PADI4: variants seen among roughly 807,000 people sequenced by gnomAD.
PADI4 encodes peptidyl arginine deiminase 4.
A neutral mutation model predicts 75.0 loss-of-function variants in PADI4; 62 were observed. That is an observed-to-expected ratio of 0.83 (90% CI 0.67 to 1.02). The LOEUF (loss-of-function observed/expected upper bound fraction) is 1.02, where lower values mean the gene tolerates loss of function less well. Among genes scored for constraint, PADI4 ranks in the 50% least tolerant of loss-of-function variants. The pLI is 0.00. For synonymous variants in PADI4, 361 were observed against 348.1 expected (o/e 1.04, Z -0.41); for missense variants, 845 against 850.5 (o/e 0.99, Z 0.08).
At chr1:17,359,238 T>G in intron 14 of PADI4, 42 bp from the exon 15 acceptor site, 8 of 244,726 alleles carry the variant, frequency 3.3e-5, no homozygotes, top group Non-Finnish European at 4.2e-5. Flanking sequence ...CACCCCCGAC[T>G]GCCATCAGTC....
intron 2 of PADI4, among the ~76,000 whole-genome samples, chr1:17,332,958 T>C (rs2074240924): frequency 6.6e-6 from 1 of 152,112 alleles, no homozygotes; most frequent in African/African-American, 2.4e-5. Context: ...GTGAGACACG[T>C]GTTGGGGAAA....
At chr1:17,334,258 T>A (rs116638180) in intron 3 of PADI4, 5 of 501,300 alleles carry the variant, frequency 1.0e-5, no homozygotes, top group African/African-American at 7.8e-5. Flanking sequence ...ATTTTGCTTC[T>A]CAAGTTAGGA....
intron 1 of PADI4, among the ~76,000 whole-genome samples, chr1:17,323,332 T>TTTC (rs2074063599): frequency 2.0e-5 from 1 of 49,668 alleles, no homozygotes; most frequent in Admixed American, 1.9e-4. Flanking sequence ...CACTTTTACT[T>TTTC]CCTTGGTTAG....
At chr1:17,331,491 A>G (rs35809798) in intron 2 of PADI4, among the ~76,000 whole-genome samples, 84,860 of 152,106 alleles carry the variant, frequency 0.56, 23,856 homozygotes, top group East Asian at 0.59. Context: ...TATGAATGGT[A>G]GCATCAGAGA....
chr1:17,345,566 T>C (rs2074500491), intron 8 of PADI4, among the ~76,000 whole-genome samples: 1 of 152,208 alleles, frequency 6.6e-6, no homozygotes, highest in Non-Finnish European at 1.5e-5. Flanking sequence ...GGAGATAATT[T>C]GAATCATGGT....
At chr1:17,308,882 C>T (rs1374610428) in intron 1 of PADI4, among the ~76,000 whole-genome samples, 11 of 152,200 alleles carry the variant, frequency 7.2e-5, no homozygotes, top group Admixed American at 6.5e-4. Context: ...GGGGATAATA[C>T]TCACATCATG....
chr1:17,361,507 G>A (rs560712083), intron 15 of PADI4, among the ~76,000 whole-genome samples: 18 of 152,230 alleles, frequency 1.2e-4, no homozygotes, highest in East Asian at 7.7e-4. Flanking sequence ...CACTTAGCAC[G>A]CATGGGCTGT....
In PADI4 at chr1:17,309,091, G is replaced by A. The variant is rs186880433; in HGVS notation, c.92+777G>A. Among the ~76,000 whole-genome samples the A allele has an allele frequency of 2.3e-4, 34 of 147,464 alleles. 1 individual carries two copies. The highest frequency in any genetic ancestry group is 5.8e-4 in the African/African-American group (23 of 39,444). On this transcript the variant is annotated intron_variant, in intron 1 of 15. Transcript: ENST00000375448. ...GTGCAGGGTCATTGTTGTTATTGTA[G>A]AACAGGAATTAAAAGAAATTTTAAA...
At chr1:17,319,352 G>A (rs774983962) in intron 1 of PADI4, among the ~76,000 whole-genome samples, 16 of 152,076 alleles carry the variant, frequency 1.1e-4, no homozygotes, top group Non-Finnish European at 1.9e-4. Context: ...GATCCCTTGA[G>A]CCCAGGAGTT....
rs1276916504 is a variant in PADI4 at position 17,356,544 on chromosome 1, A to G, written c.1558+85A>G. The G allele has an allele frequency of 2.5e-6, 2 of 814,332 alleles. No homozygotes were observed. Among genetic ancestry groups the G allele is most frequent in the Non-Finnish European group, 4.1e-6 (2 of 488,038 alleles). The allele number at this position is 814,332 out of a possible 1,614,324, so 50.4% of individuals were successfully genotyped here. On this transcript the variant is annotated intron_variant, in intron 13 of 15. Transcript: ENST00000375448. The surrounding 1 kb of genome is among the most constrained non-coding windows in gnomAD (Gnocchi z 4.1). ...GTTGCCTGGAGGGAATCATCCAGGC[A>G]ATAGGGTAGCATCTGAGCACCTACT...
chr1:17,354,621 C>T lies in PADI4; in HGVS notation c.1244C>T (p.Pro415Leu), dbSNP rs756235473. Residue 415 changes from proline to leucine, a missense_variant, in exon 11 of 16, where the codon CCA (proline) becomes CTA (leucine). Coordinates refer to ENST00000375448, the MANE Select transcript of PADI4 (RefSeq NM_012387.3). ...DSFGNLEVSP[P>L]VTVRGKEYPL... Reference sequence around the variant, plus strand: ...TTTGGGAACCTGGAAGTGAGCCCCCCAGTCACAGTCAGGGGCAAGGAATAC... The same window carrying T: ...TTTGGGAACCTGGAAGTGAGCCCCCTAGTCACAGTCAGGGGCAAGGAATAC... 4 of 1,613,996 alleles carry T rather than the reference C, an allele frequency of 2.5e-6. No individual in the cohort carries two copies. In the Admixed American group the frequency reaches 6.7e-5, roughly 27 times the overall value.
intron 13 of PADI4, among the ~76,000 whole-genome samples, chr1:17,357,333 A>G (rs2074777919): frequency 6.6e-6 from 1 of 151,796 alleles, no homozygotes; most frequent in African/African-American, 2.4e-5. Context: ...ACACCTGGCT[A>G]ATGTTTTGTA....
chr1:17,342,023 C>T lies in PADI4; in HGVS notation c.733C>T (p.His245Tyr), dbSNP rs1376323051. 1 of 1,613,788 alleles carries T rather than the reference C, an allele frequency of 6.2e-7. No homozygotes were observed. The highest frequency in any genetic ancestry group is 1.3e-5 in the African/African-American group (1 of 74,920). ...SHYLMVPGGK[H>Y]NMDFYVEALA... ...CTACCTGATGGTCCCCGGTGGAAAG[C>T]ACAACATGGACTTCTACGTGGAGGC... Residue 245 changes from histidine (H) to tyrosine (Y), a missense_variant, in exon 7 of 16, where the codon CAC becomes TAC. His to Tyr is a moderately conservative substitution (Grantham distance 83). Transcript: ENST00000375448.
intron 8 of PADI4, among the ~76,000 whole-genome samples, chr1:17,344,974 C>G (rs948233589): frequency 6.6e-6 from 1 of 152,208 alleles, no homozygotes; most frequent in African/African-American, 2.4e-5. Flanking sequence ...CCACTGACAG[C>G]TTGCACCGTG....
chr1:17,308,527 C>T (rs1237855746), intron 1 of PADI4, among the ~76,000 whole-genome samples: 1 of 152,150 alleles, frequency 6.6e-6, no homozygotes, highest in African/African-American at 2.4e-5. Context: ...AGTGCAAATT[C>T]CCCAGGAACA....
In PADI4 at chr1:17,351,965, GGCCAGGGAGGTGATGGGAGGAGAGGCA is replaced by G. The variant is rs1557576108; in HGVS notation, c.1156-2566_1156-2540del. Among the ~76,000 whole-genome samples, 92 of 66,260 alleles carry G rather than the reference GGCCAGGGAGGTGATGGGAGGAGAGGCA, an allele frequency of 1.4e-3. 2 individuals are homozygous for G. Among genetic ancestry groups the G allele is most frequent in the Middle Eastern group, 8.2e-3 (1 of 122 alleles). The allele number at this position is 66,260 out of a possible 152,430, so 43.5% of individuals were successfully genotyped here. ...GGTGATGGGAGGTGGGAGGAGAGGC[GGCCAGGGAGGTGATGGGAGGAGAGGCA>G]GTCAGGGAGGTGATGGGAGGAGAGG... On this transcript the variant is annotated intron_variant, in intron 10 of 15. Coordinates refer to ENST00000375448, the MANE Select transcript of PADI4 (RefSeq NM_012387.3).
intron 1 of PADI4, among the ~76,000 whole-genome samples, chr1:17,323,917 T>C (rs2074075358): frequency 1.3e-5 from 2 of 152,140 alleles, no homozygotes; most frequent in East Asian, 1.9e-4. Context: ...TGTGACCTTA[T>C]GTGGACGGAG....
intron 11 of PADI4, 80 bp downstream of exon 11, chr1:17,354,767 C>T: frequency 7.4e-7 from 1 of 1,355,974 alleles, no homozygotes; most frequent in Admixed American, 2.6e-5. Context: ...GGAAGCCTTG[C>T]CTTCCTGCTT....
At chr1:17,352,208 G>A (rs1421269782) in intron 10 of PADI4, among the ~76,000 whole-genome samples, 2 of 114,480 alleles carry the variant, frequency 1.7e-5, no homozygotes, top group Admixed American at 8.4e-5. Flanking sequence ...ATGGGAGGTG[G>A]TAAGAGGGGT....
Sources: gnomAD v4.1 joint callset for allele counts (sites outside exome capture counted in the v4.1 genomes callset) on GRCh38, gnomAD v4.1.1 for gene constraint, Gnocchi (gnomAD v3.1) non-coding constraint, MANE v1.5 for transcripts, NCBI Gene and HGNC (gene_info 2026-07-23, HGNC 2026-07-21) for gene names.